MCTP1: variants seen among roughly 807,000 people sequenced by gnomAD.
MCTP1 encodes the protein multiple C2 and transmembrane domain containing 1, also known as multiple C2 and transmembrane domain-containing protein 1.
Under a neutral mutation model 120.6 loss-of-function variants are expected in MCTP1, and 69 were observed. The ratio of observed to expected loss-of-function variants is 0.57; its 90% CI spans 0.47 to 0.70. The LOEUF is 0.70. Among genes scored for constraint, MCTP1 ranks in the 30% least tolerant of loss-of-function variants. The pLI is 0.00. For synonymous variants in MCTP1, 529 were observed against 493.1 expected (o/e 1.07, Z -0.96); for missense variants, 1,203 against 1,248.8 (o/e 0.96, Z 0.55).
chr5:94,894,562 C>G (rs1803443023), intron 11 of MCTP1, 87 bp downstream of exon 11: 1 of 1,010,428 alleles, frequency 9.9e-7, no homozygotes, highest in Non-Finnish European at 1.4e-6. Flanking sequence ...GACAACTTCT[C>G]AGAAGTACTT....
intron 1 of MCTP1, among the ~76,000 whole-genome samples, chr5:95,039,263 A>T (rs1562059717): frequency 6.6e-6 from 1 of 152,214 alleles, no homozygotes; most frequent in Admixed American, 6.5e-5. Context: ...ACTTTAAGAC[A>T]CGTTCATAAA....
At chr5:94,747,422 G>A (rs915630128) in intron 19 of MCTP1, among the ~76,000 whole-genome samples, 4 of 152,112 alleles carry the variant, frequency 2.6e-5, no homozygotes, top group African/African-American at 9.7e-5. Flanking sequence ...TTCCAATTCA[G>A]AAGTAATTTT....
chr5:94,877,428 A>G (rs73136012), intron 12 of MCTP1, among the ~76,000 whole-genome samples: 8,290 of 152,132 alleles, frequency 0.054, 251 homozygotes, highest in African/African-American at 0.073. Flanking sequence ...CATGAGAATT[A>G]ACACTTGAGA....
intron 1 of MCTP1, among the ~76,000 whole-genome samples, chr5:95,064,761 A>G (rs1750154007): frequency 6.6e-6 from 1 of 152,226 alleles, no homozygotes; most frequent in African/African-American, 2.4e-5. Context: ...TTTGATGTAG[A>G]ATTGACCATT....
intron 1 of MCTP1, among the ~76,000 whole-genome samples, chr5:95,225,041 G>A (rs1040350924): frequency 1.3e-5 from 2 of 152,092 alleles, no homozygotes; most frequent in Non-Finnish European, 2.9e-5. Flanking sequence ...AAAACCTAAA[G>A]ATTAAACCAA....
chr5:95,249,643 G>A (rs977037309), intron 1 of MCTP1, among the ~76,000 whole-genome samples: 6 of 151,980 alleles, frequency 3.9e-5, no homozygotes, highest in Non-Finnish European at 5.9e-5. Context: ...TTGACCCAGC[G>A]ATCACATTAC....
chr5:94,843,010 C>G (rs1448822775), intron 17 of MCTP1, among the ~76,000 whole-genome samples: 2 of 151,706 alleles, frequency 1.3e-5, no homozygotes, highest in Non-Finnish European at 2.9e-5. Flanking sequence ...TTCTTGATTC[C>G]AAGTGATTCC....
intron 4 of MCTP1, among the ~76,000 whole-genome samples, chr5:94,942,142 G>A (rs1354943714): frequency 6.6e-6 from 1 of 152,052 alleles, no homozygotes; most frequent in Non-Finnish European, 1.5e-5. Context: ...GAAGTTTTCG[G>A]TTGAAAAGTT....
intron 1 of MCTP1, among the ~76,000 whole-genome samples, chr5:95,145,115 C>G (rs1479856448): frequency 1.3e-5 from 2 of 151,588 alleles, no homozygotes; most frequent in East Asian, 3.8e-4. Flanking sequence ...TCTATCACCT[C>G]CTTGTTTAGA....
At chr5:94,894,041 T>A (rs1408830812) in intron 11 of MCTP1, among the ~76,000 whole-genome samples, 1 of 152,214 alleles carries the variant, frequency 6.6e-6, no homozygotes, top group Non-Finnish European at 1.5e-5. Context: ...TGGTTGTGAA[T>A]ATTTCAGTTA....
intron 18 of MCTP1, among the ~76,000 whole-genome samples, chr5:94,781,953 A>AGC: frequency 6.6e-6 from 1 of 152,132 alleles, no homozygotes; most frequent in Non-Finnish European, 1.5e-5. Flanking sequence ...TTTTAAAGTT[A>AGC]CATCATAAAC....
chr5:95,021,681 T>C (rs1047861112), intron 1 of MCTP1, among the ~76,000 whole-genome samples: 7 of 152,088 alleles, frequency 4.6e-5, no homozygotes, highest in African/African-American at 1.7e-4. Flanking sequence ...ACTTTTCAAG[T>C]CATATTTTGG....
chr5:95,236,076 T>G (rs1002676156), intron 1 of MCTP1, among the ~76,000 whole-genome samples: 1 of 152,200 alleles, frequency 6.6e-6, no homozygotes, highest in Non-Finnish European at 1.5e-5. Flanking sequence ...CTAACTCAAC[T>G]GGAAGAACAC....
At chr5:94,735,643 G>A (rs916537693) in intron 19 of MCTP1, among the ~76,000 whole-genome samples, 3 of 152,128 alleles carry the variant, frequency 2.0e-5, no homozygotes, top group African/African-American at 4.8e-5. Context: ...ATATACATAA[G>A]AGAACAGTTT....
At chr5:95,192,578 CAT>C (rs1749942894) in intron 1 of MCTP1, among the ~76,000 whole-genome samples, 3 of 152,006 alleles carry the variant, frequency 2.0e-5, no homozygotes, top group African/African-American at 7.2e-5. Flanking sequence ...AAAGGGCAGA[CAT>C]ATTTATTTAA....
At chr5:94,942,488 A>G in intron 3 of MCTP1, 61 bp from the exon 4 acceptor site, 1 of 1,195,896 alleles carries the variant, frequency 8.4e-7, no homozygotes, top group Non-Finnish European at 1.2e-6. Flanking sequence ...TTTATGTGAT[A>G]ATGTCTTGGT....
At chr5:95,203,474 T>C (rs1751293817) in intron 1 of MCTP1, among the ~76,000 whole-genome samples, 1 of 152,220 alleles carries the variant, frequency 6.6e-6, no homozygotes, top group African/African-American at 2.4e-5. Flanking sequence ...ACATGGTTAC[T>C]CAGACTGCCA....
At chr5:95,182,533 A>G (rs2152517152) in intron 1 of MCTP1, among the ~76,000 whole-genome samples, 1 of 152,350 alleles carries the variant, frequency 6.6e-6, no homozygotes, top group South Asian at 2.1e-4. Context: ...TCATAACTTT[A>G]AGCAGTAAGA....
At chr5:94,782,630 T>TG (rs1268033572) in intron 18 of MCTP1, among the ~76,000 whole-genome samples, 9 of 152,156 alleles carry the variant, frequency 5.9e-5, no homozygotes, top group African/African-American at 2.2e-4. Flanking sequence ...AGGATGAGAG[T>TG]GCTGGAGTTT....
Sources: allele counts gnomAD v4.1 joint callset (sites outside exome capture counted in the v4.1 genomes callset), GRCh38; gene constraint gnomAD v4.1.1; transcripts MANE v1.5; gene names NCBI Gene and HGNC (gene_info 2026-07-23, HGNC 2026-07-21).